Variants in NXPH1 observed in about 807,000 individuals in gnomAD.
The protein encoded by NXPH1 is neurexophilin-1.
Under a neutral mutation model 23.7 loss-of-function variants are expected in NXPH1, and 5 were observed. The observed-to-expected ratio is 0.21, with a 90% CI of 0.11 to 0.44. The LOEUF (loss-of-function observed/expected upper bound fraction) is 0.44. Ranked by LOEUF, NXPH1 falls within the 20% of genes least tolerant of loss-of-function variation. The probability of loss-of-function intolerance (pLI) is 0.99; values close to 1 mark genes in which losing one functional copy is unlikely to be tolerated. For missense variants in NXPH1, 324 were observed against 321.6 expected, an observed-to-expected ratio of 1.01 and a Z score of -0.06; for synonymous variants, 144 against 122.2, an observed-to-expected ratio of 1.18 and a Z score of -1.18.
At chr7:8,528,147 C>A (rs1817893910) in intron 2 of NXPH1, among the ~76,000 whole-genome samples, 1 of 152,196 alleles carries the variant, frequency 6.6e-6, no homozygotes, top group Non-Finnish European at 1.5e-5. Context: ...GTTTCATTTA[C>A]AGAAAACAGA....
intron 2 of NXPH1, among the ~76,000 whole-genome samples, chr7:8,454,274 G>A (rs1214670804): frequency 6.6e-6 from 1 of 152,140 alleles, no homozygotes; most frequent in Non-Finnish European, 1.5e-5. Flanking sequence ...AATTTTGTAA[G>A]AGAAAGTTAG....
chr7:8,738,712 G>T (rs1300391662), intron 2 of NXPH1, among the ~76,000 whole-genome samples: 1 of 152,146 alleles, frequency 6.6e-6, no homozygotes, highest in Non-Finnish European at 1.5e-5. Flanking sequence ...GTCTGCCAAA[G>T]CTGTGCCCAC....
chr7:8,582,273 T>C (rs1562411257), intron 2 of NXPH1, among the ~76,000 whole-genome samples: 1 of 152,192 alleles, frequency 6.6e-6, no homozygotes, highest in African/African-American at 2.4e-5. Flanking sequence ...TGCCTTCTCA[T>C]TGACCACAGT....
At chr7:8,571,174 A>C (rs1183307643) in intron 2 of NXPH1, among the ~76,000 whole-genome samples, 1 of 151,858 alleles carries the variant, frequency 6.6e-6, no homozygotes, top group Non-Finnish European at 1.5e-5. Flanking sequence ...GAGCTATAGC[A>C]TGTTGAAATT....
chr7:8,515,583 A>C (rs1817674554), intron 2 of NXPH1, among the ~76,000 whole-genome samples: 1 of 98,618 alleles, frequency 1.0e-5, no homozygotes, highest in Admixed American at 9.3e-5. Context: ...TATATATTGC[A>C]CCAAAAGTAG....
At chr7:8,499,062 G>A (rs1317245426) in intron 2 of NXPH1, among the ~76,000 whole-genome samples, 1 of 152,062 alleles carries the variant, frequency 6.6e-6, no homozygotes, top group East Asian at 1.9e-4. Flanking sequence ...CCTCCTATCA[G>A]GTAAGATGAT....
intron 2 of NXPH1, among the ~76,000 whole-genome samples, chr7:8,731,903 A>C (rs1008427539): frequency 1.3e-5 from 2 of 152,198 alleles, no homozygotes; most frequent in African/African-American, 2.4e-5. Context: ...TGTTTACCTA[A>C]GCAAGCCTGG....
intron 2 of NXPH1, among the ~76,000 whole-genome samples, chr7:8,681,015 G>C (rs971002428): frequency 6.6e-6 from 1 of 152,230 alleles, no homozygotes; most frequent in Non-Finnish European, 1.5e-5. Flanking sequence ...CAGAGGTAAA[G>C]AGAGTTGCTC....
At chr7:8,538,893 G>A (rs1053895777) in intron 2 of NXPH1, among the ~76,000 whole-genome samples, 1 of 151,886 alleles carries the variant, frequency 6.6e-6, no homozygotes, top group Non-Finnish European at 1.5e-5. Flanking sequence ...GGGTGGGCAG[G>A]AAAGAGATGA....
At chr7:8,499,556 A>G (rs1046327426) in intron 2 of NXPH1, among the ~76,000 whole-genome samples, 8 of 152,118 alleles carry the variant, frequency 5.3e-5, no homozygotes, top group Admixed American at 6.6e-5. Context: ...AAAAACAGAC[A>G]GTGCAAAAAT....
intron 2 of NXPH1, among the ~76,000 whole-genome samples, chr7:8,652,940 T>A (rs549761380): frequency 1.4e-4 from 21 of 151,728 alleles, no homozygotes; most frequent in East Asian, 9.7e-4. Flanking sequence ...TTGATTTTTT[T>A]AATATATTTT....
chr7:8,505,436 T>C (rs533947753), intron 2 of NXPH1, among the ~76,000 whole-genome samples: 136 of 152,144 alleles, frequency 8.9e-4, no homozygotes, highest in African/African-American at 3.1e-3. Context: ...GTGAGCAATA[T>C]ACCATGAGAA....
chr7:8,532,781 C>A (rs1817968930), intron 2 of NXPH1, among the ~76,000 whole-genome samples: 1 of 152,082 alleles, frequency 6.6e-6, no homozygotes, highest in Non-Finnish European at 1.5e-5. Context: ...TGGCCTTGGG[C>A]AAGATAATTA....
At chr7:8,742,198 T>C (rs1044222291) in intron 2 of NXPH1, among the ~76,000 whole-genome samples, 10 of 152,142 alleles carry the variant, frequency 6.6e-5, no homozygotes, top group African/African-American at 2.4e-4. Flanking sequence ...AAGACACTTT[T>C]GGGTATGGAT....
chr7:8,737,523 C>G (rs183668732), intron 2 of NXPH1, among the ~76,000 whole-genome samples: 78 of 152,278 alleles, frequency 5.1e-4, no homozygotes, highest in African/African-American at 1.3e-3. Flanking sequence ...ATGGGCTTCC[C>G]TTTGTGGGTA....
Position 8,564,296 on chromosome 7 carries a change from T to G in NXPH1, c.54+128529T>G, listed in dbSNP as rs116757044. Among the ~76,000 whole-genome samples the G allele has an allele frequency of 9.3e-4, 142 of 151,948 alleles. 1 individual carries two copies. The highest frequency in any genetic ancestry group is 3.3e-3 in the African/African-American group (136 of 41,524). On this transcript the variant is annotated intron_variant, in intron 2 of 2. Coordinates refer to ENST00000405863, the MANE Select transcript of NXPH1 (RefSeq NM_152745.3). ...TAAAAATAAATGTCTTAAACCAGCG[T>G]AGCAGTAAATTAATTTCATGCCTAA...
chr7:8,612,285 T>C (rs1819639144), intron 2 of NXPH1, among the ~76,000 whole-genome samples: 1 of 151,630 alleles, frequency 6.6e-6, no homozygotes, highest in South Asian at 2.1e-4. Flanking sequence ...TTTTTTTTTC[T>C]TTTTCTGCCT....
At chr7:8,464,706 A>G (rs1473761995) in intron 2 of NXPH1, among the ~76,000 whole-genome samples, 1 of 152,134 alleles carries the variant, frequency 6.6e-6, no homozygotes, top group Non-Finnish European at 1.5e-5. Flanking sequence ...ATGCTTCTAC[A>G]GAGTTTAGTG....
chr7:8,529,943 T>C (rs1817924565), intron 2 of NXPH1, among the ~76,000 whole-genome samples: 1 of 152,332 alleles, frequency 6.6e-6, no homozygotes, highest in East Asian at 1.9e-4. Context: ...TTATGTTAAT[T>C]ATGCTAATCA....
Sources: allele counts gnomAD v4.1 joint callset (sites outside exome capture counted in the v4.1 genomes callset), GRCh38; gene constraint gnomAD v4.1.1; transcripts MANE v1.5; gene names NCBI Gene and HGNC (gene_info 2026-07-23, HGNC 2026-07-21).